ACOT6: variants seen among roughly 807,000 people sequenced by gnomAD.
The protein encoded by ACOT6 is acyl-CoA thioesterase 6, also known as acyl-coenzyme A thioesterase 6.
Under a neutral mutation model 12.3 loss-of-function variants are expected in ACOT6, and 14 were observed. The ratio of observed to expected loss-of-function variants is 1.14; its 90% CI spans 0.75 to 1.78. The LOEUF is 1.78. Ranked by LOEUF, ACOT6 falls within the 40% of genes most tolerant of loss-of-function variation. The probability of loss-of-function intolerance (pLI) is 0.00; values close to 1 mark genes in which losing one functional copy is unlikely to be tolerated. For missense variants in ACOT6, 523 were observed against 551.8 expected (o/e 0.95, Z 0.52); for synonymous variants, 218 against 231.3 (o/e 0.94, Z 0.52).
chr14:73,612,485 T>A (rs552919811), upstream of ACOT6: 34 of 927,790 alleles, frequency 3.7e-5, no homozygotes, highest in Non-Finnish European at 4.9e-5. Flanking sequence ...GGCTCCGCCC[T>A]CGACTACTTT....
In ACOT6 at chr14:73,613,011, C is replaced by T; in HGVS notation, c.440C>T (p.Ala147Val). Residue 147 changes from alanine to valine, a missense_variant, in exon 1 of 3, where the codon GCG becomes GTG. Around this residue, in one of 2 missense-constraint regions of ACOT6, gnomAD observed 304 missense variants for 274.8 expected, o/e 1.11. Coordinates refer to ENST00000645972, the MANE Select transcript of ACOT6 (RefSeq NM_001365788.1). ...EPVRAGPVRA[A>V]LFLPPDEGPF... ...GTGCGCGCGGGCCCGGTGCGCGCCG[C>T]GCTCTTCCTGCCGCCGGATGAGTAG... is the stretch of plus-strand genomic sequence containing the variant. 1 of 936,966 alleles carries T rather than the reference C, an allele frequency of 1.1e-6. No homozygotes were observed. The highest frequency in any genetic ancestry group is 1.5e-6 in the Non-Finnish European group (1 of 674,446). The allele number at this position is 936,966 out of a possible 1,614,324, so 58.0% of individuals were successfully genotyped here.
intron 2 of ACOT6, 82 bp downstream of exon 2, chr14:73,617,274 C>G: frequency 6.4e-7 from 1 of 1,566,072 alleles, no homozygotes; most frequent in Non-Finnish European, 8.8e-7. Context: ...TGCCAGAACA[C>G]TGAGAACTAG....
upstream of ACOT6, chr14:73,612,505 G>T (rs55826256): frequency 1.3e-5 from 14 of 1,097,834 alleles, no homozygotes; most frequent in Middle Eastern, 6.4e-4. Context: ...TCCAGCGCTC[G>T]GCAAAGCCGC....
At chr14:73,611,839 GA>G (rs1595184321), upstream of ACOT6, among the ~76,000 whole-genome samples, 1 of 152,044 alleles carries the variant, frequency 6.6e-6, no homozygotes, top group Non-Finnish European at 1.5e-5. Flanking sequence ...ATTAGCCCTG[GA>G]AAAAAGGCTT....
rs1890468301 is a variant in ACOT6, at chr14:73,612,735, A to ACGCCCGCGACGAGCTGGACCTGGAGCGCG, written c.173_201dup (p.Leu68ThrfsTer37). The ACGCCCGCGACGAGCTGGACCTGGAGCGCG allele has an allele frequency of 7.3e-7, 1 of 1,371,974 alleles. No homozygotes were observed. Among genetic ancestry groups the ACGCCCGCGACGAGCTGGACCTGGAGCGCG allele is most frequent in the African/African-American group, 1.5e-5 (1 of 65,530 alleles). The allele number at this position is 1,371,974 out of a possible 1,614,324, so 85.0% of individuals were successfully genotyped here. A position where few individuals can be genotyped will look rare whatever the true frequency, so the allele number is the denominator to read the frequency against. On this transcript the variant is annotated frameshift_variant, in exon 1 of 3. Coordinates refer to ENST00000645972, the MANE Select transcript of ACOT6 (RefSeq NM_001365788.1). LOFTEE classifies it high-confidence loss of function. ...CGGGCCCACGCGCGCTACCGTGCCG[A>ACGCCCGCGACGAGCTGGACCTGGAGCGCG]CGCCCGCGACGAGCTGGACCTGGAG...
Position 73,613,001 on chromosome 14 carries a change from G to C in ACOT6, c.430G>C (p.Val144Leu), listed in dbSNP as rs1302048151. The C allele has an allele frequency of 6.0e-6, 6 of 994,292 alleles. No homozygotes were observed. The highest frequency in any genetic ancestry group is 6.5e-4 in the Middle Eastern group (2 of 3,066). 61.6% of individuals were successfully genotyped at this position (994,292 alleles called of 1,614,324 possible). ...VRREPVRAGP[V>L]RAALFLPPDE... Reference sequence around the variant, plus strand: ...GCGCGAGCCGGTGCGCGCGGGCCCGGTGCGCGCCGCGCTCTTCCTGCCGCC... The same window carrying C: ...GCGCGAGCCGGTGCGCGCGGGCCCGCTGCGCGCCGCGCTCTTCCTGCCGCC... Residue 144 changes from valine (V) to leucine (L), a missense_variant, in exon 1 of 3, where the codon GTG becomes CTG. Physicochemically the swap from Val to Leu is conservative, Grantham distance 32. This residue lies in a region of ACOT6 where 304 missense variants were observed against 274.8 expected (regional missense o/e 1.11). Transcript: ENST00000645972.
At position 73,617,062 on chromosome 14, in the gene ACOT6, T is replaced by A; in HGVS notation, c.530T>A (p.Leu177His). The A allele has an allele frequency of 3.0e-6, 4 of 1,350,966 alleles. No homozygotes were observed. The highest frequency in any genetic ancestry group is 4.2e-6 in the Non-Finnish European group (4 of 942,730). The allele number at this position is 1,350,966 out of a possible 1,614,324, so 83.7% of individuals were successfully genotyped here. The part of the protein sequence containing the change: ...SRGLCEYRAS[L>H]LAGHGFAVLA... The stretch of plus-strand genomic sequence containing the variant: ...GGCCTTTGTGAATACAGGGCCAGCC[T>A]CCTGGCCGGACATGGTTTTGCTGTG... The change falls in exon 2 of 3, where the codon CTC (leucine) becomes CAC (histidine). Residue 177 changes from leucine (L) to histidine (H), a missense_variant. By Grantham distance (99) the Leu-to-His change is moderately conservative (BLOSUM62 -3). Coordinates refer to ENST00000645972, the MANE Select transcript of ACOT6 (RefSeq NM_001365788.1).
At chr14:73,616,945 T>C in intron 1 of ACOT6, 49 bp from the exon 2 acceptor site, 1 of 608,090 alleles carries the variant, frequency 1.6e-6, no homozygotes, top group African/African-American at 1.8e-5. Flanking sequence ...TTGCTTACTG[T>C]CTTTTGAGAA....
At chr14:73,616,736 T>C in intron 1 of ACOT6, 1 of 323,548 alleles carries the variant, frequency 3.1e-6, no homozygotes. Context: ...GGTGTACAGG[T>C]GGTTTGGGGT....
chr14:73,612,951 G>A lies in ACOT6; in HGVS notation c.380G>A (p.Arg127His). ...GRLLCLAQNKRDFLRPGVRRE... is the reference protein window; with the variant it reads ...GRLLCLAQNKHDFLRPGVRRE... Reference sequence around the variant, plus strand: ...CTGCTGTGCCTGGCGCAGAACAAGCGCGACTTTCTCCGGCCGGGGGTGCGG... The same window carrying A: ...CTGCTGTGCCTGGCGCAGAACAAGCACGACTTTCTCCGGCCGGGGGTGCGG... The change falls in exon 1 of 3, where the codon CGC becomes CAC. Residue 127 changes from arginine to histidine, a missense_variant. Arg to His is a conservative substitution (Grantham distance 29). This residue lies in a region of ACOT6 where 304 missense variants were observed against 274.8 expected (regional missense o/e 1.11). Transcript: ENST00000645972. 2.4e-6 allele frequency: 3 copies of A among 1,267,870 alleles called. No individual in the cohort carries two copies. The highest frequency in any genetic ancestry group is 3.1e-6 in the Non-Finnish European group (3 of 955,734). The allele number at this position is 1,267,870 out of a possible 1,614,324, so 78.5% of individuals were successfully genotyped here.
Position 73,619,458 on chromosome 14 carries a change from T to C in ACOT6, c.885T>C (p.Thr295=). ...TKSGFLTFMD[T]WSNPLEEHNH... ...CAGGATTTCTCACTTTTATGGACAC[T>C]TGGAGCAATCCACTGGAGGAACACA... is the stretch of plus-strand genomic sequence containing the variant. Residue 295 remains threonine, a synonymous_variant, in exon 3 of 3, where the codon ACT becomes ACC. Transcript: ENST00000645972. 1.9e-6 allele frequency: 3 copies of C among 1,614,230 alleles called. No individual in the cohort carries two copies. Among genetic ancestry groups the C allele is most frequent in the Non-Finnish European group, 2.5e-6 (3 of 1,180,044 alleles).
Sources: allele counts gnomAD v4.1 joint callset (sites outside exome capture counted in the v4.1 genomes callset), GRCh38; gene constraint gnomAD v4.1.1; regional missense constraint gnomAD v4.1.1; transcripts MANE v1.5; gene names NCBI Gene and HGNC (gene_info 2026-07-23, HGNC 2026-07-21).